The following RAPGEF1 variants were observed in gnomAD, a reference collection of about 807,000 sequenced individuals.
The protein encoded by RAPGEF1 is CRK SH3-binding GNRP.
In RAPGEF1, 33 loss-of-function variants were observed where a neutral mutation model predicts 143.3. The observed-to-expected ratio is 0.23, with a 90% confidence interval of 0.17 to 0.31. The LOEUF is 0.31. Ranked by LOEUF, RAPGEF1 falls within the 10% of genes least tolerant of loss-of-function variation. RAPGEF1 has a pLI of 1.00. For missense variants in RAPGEF1, 1,199 were observed against 1,645.4 expected (o/e 0.73, Z 4.69); for synonymous variants, 629 against 676.5 (o/e 0.93, Z 1.09).
chr9:131,643,266 A>G lies in RAPGEF1; in HGVS notation c.467T>C (p.Val156Ala). The G allele has an allele frequency of 6.2e-7, 1 of 1,612,704 alleles. No homozygotes were observed. The highest frequency in any genetic ancestry group is 8.5e-7 in the Non-Finnish European group (1 of 1,179,670). The change falls in exon 4 of 27, where the codon GTG becomes GCG. Residue 156 changes from valine to alanine, a missense_variant. By Grantham distance (64) the Val-to-Ala change is moderately conservative. This residue lies in a region of RAPGEF1 where 613 missense variants were observed against 710.9 expected (regional missense o/e 0.86). Transcript: ENST00000683357. The stretch of plus-strand genomic sequence containing the variant: ...GTGCTGAATTCGAGGATCGTTCTGC[A>G]CCAGGGGTAAGATGGCCTCCAGCAC... The part of the protein sequence containing the change: ...SKVLEAILPL[V>A]QNDPRIQHSS...
At chr9:131,645,435 CAG>C (rs752133462) in intron 3 of RAPGEF1, among the ~76,000 whole-genome samples, 7 of 152,342 alleles carry the variant, frequency 4.6e-5, no homozygotes, top group Middle Eastern at 3.4e-3. Flanking sequence ...CACTTCAGAG[CAG>C]AGAGTTTTTC....
intron 5 of RAPGEF1, 107 bp from the exon 6 acceptor site, chr9:131,630,431 T>C: frequency 9.5e-7 from 1 of 1,055,448 alleles, no homozygotes; most frequent in Non-Finnish European, 1.4e-6. Context: ...CTCATTTCTG[T>C]GCCTACAGAT....
intron 1 of RAPGEF1, among the ~76,000 whole-genome samples, chr9:131,697,915 G>A (rs556928484): frequency 1.9e-4 from 29 of 152,310 alleles, no homozygotes; most frequent in Admixed American, 4.6e-4. Context: ...CAGAAAGAGA[G>A]GGGCCAGGAT....
intron 10 of RAPGEF1, among the ~76,000 whole-genome samples, chr9:131,624,252 C>G (rs755714903): frequency 1.3e-5 from 2 of 152,190 alleles, no homozygotes; most frequent in Non-Finnish European, 2.9e-5. Flanking sequence ...GTAATAGAGC[C>G]TGCCTTGCAG....
At chr9:131,605,763 CTTTT>C (rs34279999) in intron 12 of RAPGEF1, among the ~76,000 whole-genome samples, 2 of 143,274 alleles carry the variant, frequency 1.4e-5, no homozygotes, top group Admixed American at 6.9e-5. Flanking sequence ...TTCTTTCTTT[CTTTT>C]TTTTTTTTTT....
At chr9:131,696,801 T>G (rs563282364) in intron 1 of RAPGEF1, among the ~76,000 whole-genome samples, 1 of 152,370 alleles carries the variant, frequency 6.6e-6, no homozygotes, top group East Asian at 1.9e-4. Context: ...AGTATGGAGC[T>G]ATCATGACAA....
At position 131,587,807 on chromosome 9, in the gene RAPGEF1, T is replaced by C. The variant is rs371150383; in HGVS notation, c.3162A>G (p.Ala1054=). The change falls in exon 22 of 27, where the codon GCA becomes GCG. Residue 1054 remains alanine, a synonymous_variant. Coordinates refer to ENST00000683357, the MANE Select transcript of RAPGEF1 (RefSeq NM_001377935.1). ...GGCTCTTCTCCTCATTCTGCTCTTT[T>C]GCCCAAAGCAAAACCTCAGGAATCT... is the stretch of plus-strand genomic sequence containing the variant. The part of the protein sequence containing the change: ...KIEIPEVLLW[A]KEQNEEKSPN... The C allele has an allele frequency of 4.3e-6, 7 of 1,613,718 alleles. No individual in the cohort carries two copies. The highest frequency in any genetic ancestry group is 3.3e-5 in the South Asian group (3 of 91,022).
In RAPGEF1 at chr9:131,628,424, G is replaced by A. The variant is rs948995260; in HGVS notation, c.1017+125C>T. ...GAGAGAGGGATGGGTACAAGGTCTC[G>A]CACTCCTCGATGTGACAAACACCAG... On this transcript the variant is annotated intron_variant, in intron 8 of 26. Coordinates refer to ENST00000683357, the MANE Select transcript of RAPGEF1 (RefSeq NM_001377935.1). The surrounding 1 kb of genome is among the most constrained non-coding windows in gnomAD (Gnocchi z 5.7). 14 of 1,300,176 alleles carry A rather than the reference G, an allele frequency of 1.1e-5. No individual in the cohort carries two copies. The highest frequency in any genetic ancestry group is 6.8e-5 in the Admixed American group (3 of 44,218). 80.5% of individuals were successfully genotyped at this position (1,300,176 alleles called of 1,614,324 possible). A position where few individuals can be genotyped will look rare whatever the true frequency, so the allele number is the denominator to read the frequency against.
rs1344882480 is a variant in RAPGEF1, at chr9:131,650,313, GAA to G, written c.202-73_202-72del. ...TTTGAGGCCGAAGGGAGGGGTTGAT[GAA>G]AGTCAATAGCTGTTTCAACATATCT... On this transcript the variant is annotated intron_variant, in intron 2 of 26. Transcript: ENST00000683357. The surrounding 1 kb of genome is among the most constrained non-coding windows in gnomAD (Gnocchi z 4.7). The G allele has an allele frequency of 7.9e-5, 92 of 1,163,116 alleles. No individual in the cohort carries two copies. Among genetic ancestry groups the G allele is most frequent in the Non-Finnish European group, 1.1e-4 (86 of 799,998 alleles). The allele number at this position is 1,163,116 out of a possible 1,614,324, so 72.0% of individuals were successfully genotyped here.
At chr9:131,625,122 G>C (rs1006364237) in intron 10 of RAPGEF1, among the ~76,000 whole-genome samples, 57 of 152,202 alleles carry the variant, frequency 3.7e-4, no homozygotes, top group African/African-American at 1.3e-3. Context: ...CTGAGGCCAG[G>C]GAAGCCTGGG....
chr9:131,708,415 G>A (rs897872819), intron 1 of RAPGEF1, among the ~76,000 whole-genome samples: 2 of 152,160 alleles, frequency 1.3e-5, no homozygotes, highest in African/African-American at 2.4e-5. Flanking sequence ...GTCCTGCACT[G>A]AGACACTATT....
Position 131,579,394 on chromosome 9 carries a change from G to A in RAPGEF1, c.*103C>T. ...GGGCTGGCCAGCCTCATGGCTCCGA[G>A]GCCGGGACTCCTGCCATGCGCCTAA... On this transcript the variant is annotated 3_prime_UTR_variant, in exon 27 of 27. Transcript: ENST00000683357. 8.2e-6 allele frequency: 12 copies of A among 1,466,430 alleles called. No individual in the cohort carries two copies. Among genetic ancestry groups the A allele is most frequent in the Non-Finnish European group, 1.1e-5 (12 of 1,087,526 alleles). The allele number at this position is 1,466,430 out of a possible 1,614,324, so 90.8% of individuals were successfully genotyped here. A position where few individuals can be genotyped will look rare whatever the true frequency, so the allele number is the denominator to read the frequency against.
intron 1 of RAPGEF1, among the ~76,000 whole-genome samples, chr9:131,698,148 T>A (rs932060056): frequency 6.6e-6 from 1 of 152,218 alleles, no homozygotes; most frequent in East Asian, 1.9e-4. Flanking sequence ...CCCCGCACAG[T>A]AAACATGCAA....
intron 1 of RAPGEF1, chr9:131,737,321 T>C (rs878890262): frequency 3.1e-6 from 5 of 1,604,956 alleles, no homozygotes; most frequent in Non-Finnish European, 4.3e-6. Flanking sequence ...GGTATATATC[T>C]CAGCCCTCTC....
chr9:131,709,827 A>G, intron 1 of RAPGEF1: 1 of 1,446,744 alleles, frequency 6.9e-7, no homozygotes, highest in Non-Finnish European at 9.1e-7. Context: ...CTCACAAGGG[A>G]AGCCTGAGGA....
chr9:131,589,972 C>T lies in RAPGEF1; in HGVS notation c.2781G>A (p.Glu927=), dbSNP rs1352274218. ...ATGTGTCGGCAAAGGGAGAGAATTTCTCATATGTGGAGCACGGGTTAAAGA... is the reference window on the plus strand; with the variant it reads ...ATGTGTCGGCAAAGGGAGAGAATTTTTCATATGTGGAGCACGGGTTAAAGA... ...ELIKKLQYRY[E]KFSPFADTFK... Residue 927 remains glutamate, a synonymous_variant, in exon 19 of 27, where the codon GAG becomes GAA. Coordinates refer to ENST00000683357, the MANE Select transcript of RAPGEF1 (RefSeq NM_001377935.1). The T allele has an allele frequency of 6.2e-7, 1 of 1,613,512 alleles. No individual in the cohort carries two copies. The highest frequency in any genetic ancestry group is 8.5e-7 in the Non-Finnish European group (1 of 1,179,588).
chr9:131,596,866 G>T (rs1209427572), intron 16 of RAPGEF1, among the ~76,000 whole-genome samples: 2 of 152,204 alleles, frequency 1.3e-5, no homozygotes, highest in Non-Finnish European at 2.9e-5. Context: ...GTCTCCCCAG[G>T]TGGAAGTAGA....
At chr9:131,586,861 CA>C (rs1953062978) in intron 22 of RAPGEF1, among the ~76,000 whole-genome samples, 1 of 121,928 alleles carries the variant, frequency 8.2e-6, no homozygotes. Flanking sequence ...CACACACACA[CA>C]CACCTGCAGA....
At chr9:131,597,448 T>C (rs1426022525) in intron 16 of RAPGEF1, among the ~76,000 whole-genome samples, 1 of 152,228 alleles carries the variant, frequency 6.6e-6, no homozygotes. Flanking sequence ...AGCCAGCGCA[T>C]CCTTGCCTGG....
Sources: gnomAD v4.1 joint callset for allele counts (sites outside exome capture counted in the v4.1 genomes callset) on GRCh38, gnomAD v4.1.1 for gene constraint, gnomAD v4.1.1 regional missense constraint, Gnocchi (gnomAD v3.1) non-coding constraint, MANE v1.5 for transcripts, NCBI Gene and HGNC (gene_info 2026-07-23, HGNC 2026-07-21) for gene names.